The following ABCC6 variants were observed in gnomAD, a reference collection of about 807,000 sequenced individuals.
ABCC6 encodes ATP binding cassette subfamily C member 6.
In ABCC6, 126 loss-of-function variants were observed where a neutral mutation model predicts 169.5. That is an observed-to-expected ratio of 0.74 (90% CI 0.64 to 0.86). The LOEUF (loss-of-function observed/expected upper bound fraction) is 0.86. Among genes scored for constraint, ABCC6 ranks in the 40% least tolerant of loss-of-function variants. The pLI is 0.00. For missense variants in ABCC6, 1,733 were observed against 1,927.2 expected (o/e 0.90, Z 1.89); for synonymous variants, 752 against 814.7 (o/e 0.92, Z 1.31).
intron 17 of ABCC6, among the ~76,000 whole-genome samples, chr16:16,180,817 T>A (rs896565075): frequency 6.6e-6 from 1 of 152,136 alleles, no homozygotes; most frequent in African/African-American, 2.4e-5. Context: ...ATTCAGTCAT[T>A]CCACTAATAA....
At chr16:16,180,963 T>A (rs1210392464) in intron 17 of ABCC6, among the ~76,000 whole-genome samples, 1 of 152,114 alleles carries the variant, frequency 6.6e-6, no homozygotes, top group Non-Finnish European at 1.5e-5. Flanking sequence ...CATAAACAAG[T>A]AAGGCAGACA....
rs1252723064 is a variant in ABCC6 at position 16,182,563 on chromosome 16, T to C, written c.2096A>G (p.Glu699Gly). 2.6e-5 allele frequency: 42 copies of C among 1,612,868 alleles called. No homozygotes were observed. The highest frequency in any genetic ancestry group is 3.2e-5 in the Non-Finnish European group (38 of 1,179,102). ...IEGAVAYVPQ[E>G]AWVQNTSVVE... ...CACAGAGGTGTTCTGCACCCAGGCC[T>C]CCTGGGGCACGTAGGCCACAGCACC... The change falls in exon 17 of 31, where the codon GAG becomes GGG. Residue 699 changes from glutamate to glycine, a missense_variant. Glu to Gly is a moderately conservative substitution (Grantham distance 98). Transcript: ENST00000205557.
At chr16:16,187,907 T>TAAA (rs1407043789) in intron 13 of ABCC6, among the ~76,000 whole-genome samples, 41 of 86,238 alleles carry the variant, frequency 4.8e-4, no homozygotes, top group Non-Finnish European at 8.7e-4. Flanking sequence ...AATAAATAAA[T>TAAA]TAAATAAATA....
At chr16:16,155,358 A>C in intron 27 of ABCC6, 6 of 418,020 alleles carry the variant, frequency 1.4e-5, no homozygotes, top group South Asian at 6.9e-5. Flanking sequence ...ACCCCATCCC[A>C]TCCATCTGTC....
intron 15 of ABCC6, among the ~76,000 whole-genome samples, chr16:16,183,206 C>T (rs560907235): frequency 6.6e-6 from 1 of 152,172 alleles, no homozygotes; most frequent in African/African-American, 2.4e-5. Context: ...TGTGGGCACG[C>T]ATCCACACAC....
chr16:16,165,704 C>T lies in ABCC6; in HGVS notation c.3225G>A (p.Glu1075=). 1 of 1,613,488 alleles carries T rather than the reference C, an allele frequency of 6.2e-7. No homozygotes were observed. The change falls in exon 23 of 31, where the codon GAG becomes GAA. Residue 1075 remains glutamate, a synonymous_variant. Coordinates refer to ENST00000205557, the MANE Select transcript of ABCC6 (RefSeq NM_001171.6). ...SLLMYAFGLL[E]VSLVVAVATP... is the part of the protein sequence containing the mutation. The stretch of plus-strand genomic sequence containing the variant: ...TAGCCACTGCCACCACCAGGCTGAC[C>T]TCCAGGAGTCCAAAGGCGTACATCA...
intron 11 of ABCC6, among the ~76,000 whole-genome samples, chr16:16,192,067 G>A (rs2047880470): frequency 6.6e-6 from 1 of 152,200 alleles, no homozygotes; most frequent in South Asian, 2.1e-4. Context: ...TGCTGGGAGG[G>A]GAGGGATGGA....
At position 16,202,076 on chromosome 16, in the gene ABCC6, C is replaced by A. The variant is rs1405808695; in HGVS notation, c.1101G>T (p.Glu367Asp). 2.5e-6 allele frequency: 4 copies of A among 1,614,016 alleles called. No individual in the cohort carries two copies. The South Asian group carries it at 4.4e-5, about 18-fold the overall frequency. Residue 367 changes from glutamate to aspartate, a missense_variant, in exon 9 of 31, where the codon GAG becomes GAT. Glu to Asp is a conservative substitution (Grantham distance 45). Transcript: ENST00000205557. ...CCTTGAGCCTGTACATGTTCTGCTG[C>A]TCAAACAGCGTTTGCAGGCAGGCTG... Reference protein sequence around the residue: ...FLSACLQTLFEQQNMYRLKVL... With the variant: ...FLSACLQTLFDQQNMYRLKVL...
chr16:16,175,349 C>A (rs2047243914), intron 20 of ABCC6, among the ~76,000 whole-genome samples: 1 of 152,184 alleles, frequency 6.6e-6, no homozygotes, highest in African/African-American at 2.4e-5. Flanking sequence ...CCCAAGACCC[C>A]TCTCATTAAG....
In ABCC6 at chr16:16,192,918, A is replaced by C. The variant is rs766697715; in HGVS notation, c.1343T>G (p.Leu448Arg). The C allele has an allele frequency of 1.2e-6, 2 of 1,614,050 alleles. No individual in the cohort carries two copies. Among genetic ancestry groups the C allele is most frequent in the South Asian group, 1.1e-5 (1 of 91,064 alleles). ...VVCFVYLWQL[L>R]GPSALTAIAV... ...GATGGCAGTGAGGGCGGAGGGCCCC[A>C]GGAGCTGGGGATAGAAGGGGCAGGA... The change falls in exon 11 of 31, where the codon CTG (leucine) becomes CGG (arginine). Residue 448 changes from leucine (L) to arginine (R), a missense_variant. Transcript: ENST00000205557.
chr16:16,155,114 G>A, intron 27 of ABCC6, 83 bp from the exon 28 acceptor site: 1 of 1,475,742 alleles, frequency 6.8e-7, no homozygotes, highest in Non-Finnish European at 9.1e-7. Context: ...CTGTACCCGA[G>A]ATCTGTCTAT....
chr16:16,156,462 G>A (rs558326928), intron 27 of ABCC6, among the ~76,000 whole-genome samples: 123 of 152,336 alleles, frequency 8.1e-4, no homozygotes, highest in African/African-American at 2.6e-3. Flanking sequence ...CCCCCTGGCC[G>A]AGAGGCAGCT....
intron 14 of ABCC6, among the ~76,000 whole-genome samples, chr16:16,185,381 G>A (rs561144847): frequency 6.6e-6 from 1 of 152,282 alleles, no homozygotes; most frequent in African/African-American, 2.4e-5. Context: ...AGACTGTGTG[G>A]CCCACAGGCC....
intron 22 of ABCC6, among the ~76,000 whole-genome samples, chr16:16,168,332 C>G (rs1016893543): frequency 2.0e-5 from 3 of 152,142 alleles, no homozygotes; most frequent in Non-Finnish European, 4.4e-5. Flanking sequence ...CTATCAAAAA[C>G]AAAAATTAGC....
intron 17 of ABCC6, among the ~76,000 whole-genome samples, chr16:16,181,484 C>G (rs2047471494): frequency 6.6e-6 from 1 of 152,122 alleles, no homozygotes; most frequent in Non-Finnish European, 1.5e-5. Flanking sequence ...GGGATGAGCC[C>G]TGGGGACTCC....
intron 22 of ABCC6, among the ~76,000 whole-genome samples, chr16:16,169,046 C>A (rs2644991): frequency 0.56 from 84,717 of 151,854 alleles, 24,733 homozygotes; most frequent in East Asian, 0.88. Context: ...GCAGCACTGC[C>A]CTCCAGCCCG....
Position 16,165,603 on chromosome 16 carries a change from C to G in ABCC6, c.3306+20G>C. On this transcript the variant is annotated intron_variant, in intron 23 of 30. Coordinates refer to ENST00000205557, the MANE Select transcript of ABCC6 (RefSeq NM_001171.6). ...AGTTGACCTCAGCCGGTCCCGGAAG[C>G]CTCCCTGACCTCTCCGTACCTGAAA... The G allele has an allele frequency of 1.2e-6, 2 of 1,612,820 alleles. No individual in the cohort carries two copies. Among genetic ancestry groups the G allele is most frequent in the Non-Finnish European group, 1.7e-6 (2 of 1,179,974 alleles).
At chr16:16,165,538 C>T (rs1300201766) in intron 23 of ABCC6, 85 bp downstream of exon 23, 81 of 1,488,484 alleles carry the variant, frequency 5.4e-5, no homozygotes, top group Non-Finnish European at 7.3e-5. Flanking sequence ...TGGGTGAAAC[C>T]TCATATATGG....
chr16:16,170,403 A>T (rs1027688520), intron 21 of ABCC6, among the ~76,000 whole-genome samples: 22 of 151,920 alleles, frequency 1.4e-4, no homozygotes, highest in Non-Finnish European at 8.8e-5. Context: ...CCCAGCTAGA[A>T]GGGTTTTCTT....
Sources: allele counts gnomAD v4.1 joint callset (sites outside exome capture counted in the v4.1 genomes callset), GRCh38; gene constraint gnomAD v4.1.1; transcripts MANE v1.5; gene names NCBI Gene and HGNC (gene_info 2026-07-23, HGNC 2026-07-21).